Variants in PDE11A observed in about 807,000 individuals in gnomAD.
PDE11A encodes phosphodiesterase 11A.
PDE11A carries 100 observed loss-of-function variants against 100.5 expected under a neutral mutation model. That is an observed-to-expected ratio of 1.00 (90% CI 0.85 to 1.18). The LOEUF (loss-of-function observed/expected upper bound fraction) is 1.18, where lower values mean the gene tolerates loss of function less well. Among genes scored for constraint, PDE11A ranks in the 50% most tolerant of loss-of-function variants. PDE11A has a pLI of 0.00. For synonymous variants in PDE11A, 381 were observed against 420.8 expected (o/e 0.91, Z 1.16); for missense variants, 1,141 against 1,152.6 (o/e 0.99, Z 0.15).
chr2:177,928,523 G>GAC (rs1239016792), intron 2 of PDE11A, among the ~76,000 whole-genome samples: 1 of 151,674 alleles, frequency 6.6e-6, no homozygotes, highest in Non-Finnish European at 1.5e-5. Context: ...GAGACAGAGA[G>GAC]AGAGAGAACT....
chr2:178,030,512 A>G (rs749072352), intron 1 of PDE11A, among the ~76,000 whole-genome samples: 1 of 152,162 alleles, frequency 6.6e-6, no homozygotes, highest in Non-Finnish European at 1.5e-5. Context: ...ACTAATGGAA[A>G]AAGAAAGACC....
At chr2:177,883,355 A>C (rs931092329) in intron 4 of PDE11A, among the ~76,000 whole-genome samples, 5 of 152,120 alleles carry the variant, frequency 3.3e-5, no homozygotes, top group Non-Finnish European at 7.4e-5. Flanking sequence ...AATTTACTCT[A>C]ATCATTTATT....
chr2:178,005,682 T>C (rs2086200478), intron 2 of PDE11A, among the ~76,000 whole-genome samples: 1 of 152,188 alleles, frequency 6.6e-6, no homozygotes, highest in Non-Finnish European at 1.5e-5. Context: ...ACGCAATAAA[T>C]AGTGAATGAA....
intron 3 of PDE11A, among the ~76,000 whole-genome samples, chr2:177,901,869 T>A (rs1456256717): frequency 1.3e-5 from 2 of 152,240 alleles, no homozygotes; most frequent in Non-Finnish European, 2.9e-5. Context: ...GCCTCTGGGA[T>A]CCATATACAA....
chr2:177,900,626 T>G (rs1381558222), intron 3 of PDE11A, among the ~76,000 whole-genome samples: 1 of 152,000 alleles, frequency 6.6e-6, no homozygotes, highest in East Asian at 1.9e-4. Flanking sequence ...GGTGTGGTAG[T>G]GCATGCCTGT....
Position 177,727,698 on chromosome 2 carries a change from T to C in PDE11A, c.2003A>G (p.His668Arg), listed in dbSNP as rs745755269. 1.2e-6 allele frequency: 2 copies of C among 1,611,432 alleles called. No homozygotes were observed. The highest frequency in any genetic ancestry group is 1.1e-5 in the South Asian group (1 of 91,042). Residue 668 changes from histidine to arginine, a missense_variant, in exon 12 of 20, where the codon CAT becomes CGT. Coordinates refer to ENST00000286063, the MANE Select transcript of PDE11A (RefSeq NM_016953.4). ...YRMVLYHNWR[H>R]AFNVCQLMFA... is the part of the protein sequence containing the mutation. The stretch of plus-strand genomic sequence containing the variant: ...CATCAGCTGACACACGTTGAAGGCA[T>C]GTCTCCAGTTGTGGTATAGAACCAT...
intron 17 of PDE11A, 63 bp downstream of exon 17, chr2:177,675,392 T>C (rs1238896698): frequency 8.7e-7 from 1 of 1,146,446 alleles, no homozygotes; most frequent in African/African-American, 1.5e-5. Flanking sequence ...TCTGGGAATA[T>C]TGTGTCCCCC....
intron 9 of PDE11A, among the ~76,000 whole-genome samples, chr2:177,813,823 G>A (rs954445351): frequency 2.5e-5 from 3 of 118,988 alleles, no homozygotes; most frequent in African/African-American, 1.1e-4. Flanking sequence ...CTCCACTCTT[G>A]TTGCTAACCG....
chr2:177,752,134 T>A (rs1340635182), intron 10 of PDE11A, among the ~76,000 whole-genome samples: 2 of 152,316 alleles, frequency 1.3e-5, no homozygotes, highest in East Asian at 3.9e-4. Context: ...AGGTTTTTCA[T>A]CCGGCCTGCA....
intron 4 of PDE11A, among the ~76,000 whole-genome samples, chr2:177,878,930 G>C (rs1368714393): frequency 6.6e-6 from 1 of 152,152 alleles, no homozygotes; most frequent in East Asian, 1.9e-4. Flanking sequence ...AAAGTAACTT[G>C]AAGTAAAACA....
At chr2:177,671,007 A>C (rs78268972) in intron 17 of PDE11A, among the ~76,000 whole-genome samples, 1 of 152,144 alleles carries the variant, frequency 6.6e-6, no homozygotes, top group South Asian at 2.1e-4. Context: ...GCATTTCAGC[A>C]CACCAGGCTT....
chr2:177,782,572 A>G (rs2082469033), intron 9 of PDE11A, among the ~76,000 whole-genome samples: 1 of 152,168 alleles, frequency 6.6e-6, no homozygotes, highest in African/African-American at 2.4e-5. Context: ...TGGCAGGTTT[A>G]TATTCTCATC....
At chr2:177,981,965 C>T (rs1034480922) in intron 2 of PDE11A, among the ~76,000 whole-genome samples, 1 of 150,844 alleles carries the variant, frequency 6.6e-6, no homozygotes, top group Non-Finnish European at 1.5e-5. Context: ...TCTATAGATT[C>T]CTGGTCTTGA....
intron 5 of PDE11A, among the ~76,000 whole-genome samples, chr2:177,871,424 G>A (rs1367496828): frequency 2.0e-5 from 3 of 151,940 alleles, no homozygotes; most frequent in Non-Finnish European, 4.4e-5. Flanking sequence ...TGGGAATTCC[G>A]GAGTGGGCAA....
chr2:177,823,311 G>A (rs976534552), intron 6 of PDE11A, among the ~76,000 whole-genome samples: 6 of 152,096 alleles, frequency 3.9e-5, no homozygotes, highest in African/African-American at 1.4e-4. Context: ...TAAAATAAGT[G>A]TCCAAGTAGA....
At chr2:178,076,095 T>C (rs1367343909), upstream of PDE11A, among the ~76,000 whole-genome samples, 1 of 152,060 alleles carries the variant, frequency 6.6e-6, no homozygotes, top group African/African-American at 2.4e-5. Context: ...GTGCAGTCCA[T>C]AGAATCCCCC....
chr2:177,912,491 T>TA (rs2105744369), intron 2 of PDE11A, among the ~76,000 whole-genome samples: 1 of 152,320 alleles, frequency 6.6e-6, no homozygotes, highest in East Asian at 1.9e-4. Context: ...ATGCAGGTAC[T>TA]ACTCATATCA....
upstream of PDE11A, among the ~76,000 whole-genome samples, chr2:178,073,232 G>T (rs2105874436): frequency 6.6e-6 from 1 of 152,306 alleles, no homozygotes; most frequent in South Asian, 2.1e-4. Flanking sequence ...ACTGTGGATT[G>T]TTGGTTCCCA....
chr2:177,782,725 G>A (rs2082470971), intron 9 of PDE11A, among the ~76,000 whole-genome samples: 1 of 152,034 alleles, frequency 6.6e-6, no homozygotes, highest in South Asian at 2.1e-4. Flanking sequence ...ATAATGTGAA[G>A]AAGGTTCTTT....
Sources: gnomAD v4.1 joint callset for allele counts (sites outside exome capture counted in the v4.1 genomes callset) on GRCh38, gnomAD v4.1.1 for gene constraint, MANE v1.5 for transcripts, NCBI Gene and HGNC (gene_info 2026-07-23, HGNC 2026-07-21) for gene names.